The following TET2 variants were observed in gnomAD, a reference collection of about 807,000 sequenced individuals.
TET2 encodes tet methylcytosine dioxygenase 2.
TET2 carries 299 observed loss-of-function variants against 142.9 expected under a neutral mutation model. That is an observed-to-expected ratio of 2.09 (90% CI 1.90 to 2.30). TET2 has a LOEUF of 2.30. Ranked by LOEUF, TET2 falls within the 30% of genes most tolerant of loss-of-function variation. The probability of loss-of-function intolerance (pLI) is 0.00; values close to 1 mark genes in which losing one functional copy is unlikely to be tolerated. For synonymous variants in TET2, 819 were observed against 849.0 expected, an observed-to-expected ratio of 0.96 and a Z score of 0.61; for missense variants, 2,418 against 2,378.0, an observed-to-expected ratio of 1.02 and a Z score of -0.35.
At chr4:105,253,328 CTCTT>C (rs1350794640) in intron 6 of TET2, among the ~76,000 whole-genome samples, 8 of 152,062 alleles carry the variant, frequency 5.3e-5, no homozygotes, top group Non-Finnish European at 1.0e-4. Context: ...CATGGAACAT[CTCTT>C]TCTTGGATAT....
At position 105,275,600 on chromosome 4, in the gene TET2, G is replaced by A. The variant is rs775104652; in HGVS notation, c.5090G>A (p.Gly1697Glu). ...TTTACATCTAAATACTTAGGTTATG[G>A]AAACCAAAATATGCAGGGAGATGGT... is the stretch of plus-strand genomic sequence containing the variant. ...QSFTSKYLGY[G>E]NQNMQGDGFS... Residue 1697 changes from glycine to glutamate, a missense_variant, in exon 11 of 11, where the codon GGA becomes GAA. Physicochemically the swap from Gly to Glu is moderately conservative, Grantham distance 98 (BLOSUM62 -2). Coordinates refer to ENST00000380013, the MANE Select transcript of TET2 (RefSeq NM_001127208.3). The A allele has an allele frequency of 3.6e-5, 56 of 1,551,748 alleles. 1 individual carries two copies. In the South Asian group the frequency reaches 6.5e-4, roughly 18 times the overall value.
chr4:105,161,274 G>C (rs1345987511), intron 1 of TET2, among the ~76,000 whole-genome samples: 1 of 152,066 alleles, frequency 6.6e-6, no homozygotes, highest in Non-Finnish European at 1.5e-5. Flanking sequence ...AGCAAAAGCA[G>C]CCTTCTGGAT....
At chr4:105,207,305 A>G (rs10024008) in intron 2 of TET2, among the ~76,000 whole-genome samples, 7,240 of 152,216 alleles carry the variant, frequency 0.048, 562 homozygotes, top group African/African-American at 0.16. Context: ...AAACATGAAA[A>G]CCTTAAGCAT....
chr4:105,168,753 C>T (rs180809015), intron 1 of TET2, among the ~76,000 whole-genome samples: 1 of 152,208 alleles, frequency 6.6e-6, no homozygotes, highest in Non-Finnish European at 1.5e-5. Context: ...CCCTTTTCCC[C>T]TGAGTCCCTA....
intron 2 of TET2, among the ~76,000 whole-genome samples, chr4:105,213,994 G>T (rs1252485470): frequency 6.6e-6 from 1 of 152,096 alleles, no homozygotes; most frequent in Non-Finnish European, 1.5e-5. Flanking sequence ...GAGTAGCTGG[G>T]ACTATACCAC....
At position 105,146,934 on chromosome 4, in the gene TET2, C is replaced by T. The variant is rs1257864829; in HGVS notation, c.-238C>T. On this transcript the variant is annotated 5_prime_UTR_variant, in exon 1 of 11. Coordinates refer to ENST00000380013, the MANE Select transcript of TET2 (RefSeq NM_001127208.3). ...TTTAGGATTTGTTAGAAAGGAGACCCGACTGCAACTGCTGGATTGCTGCAA... is the reference window on the plus strand; with the variant it reads ...TTTAGGATTTGTTAGAAAGGAGACCTGACTGCAACTGCTGGATTGCTGCAA... 1 of 152,338 alleles carries T rather than the reference C, an allele frequency of 6.6e-6. No individual in the cohort carries two copies. The highest frequency in any genetic ancestry group is 1.5e-5 in the Non-Finnish European group (1 of 68,138). The allele number at this position is 152,338 out of a possible 1,614,324, so 9.4% of individuals were successfully genotyped here.
chr4:105,225,145 C>T (rs988905882), intron 2 of TET2, among the ~76,000 whole-genome samples: 1 of 149,336 alleles, frequency 6.7e-6, no homozygotes, highest in African/African-American at 2.5e-5. Flanking sequence ...TTTTGGTAAA[C>T]CTATGAAGAA....
chr4:105,232,911 A>C (rs1482549527), intron 2 of TET2, among the ~76,000 whole-genome samples: 1 of 152,188 alleles, frequency 6.6e-6, no homozygotes, highest in East Asian at 1.9e-4. Flanking sequence ...AGTGTGCCTT[A>C]TCTCTCAGGT....
chr4:105,259,857 T>G (rs912008824), intron 7 of TET2, 88 bp downstream of exon 7: 1 of 1,295,664 alleles, frequency 7.7e-7, no homozygotes, highest in Admixed American at 2.9e-5. Context: ...CATATCTTGG[T>G]AAGCTCTTAT....
At chr4:105,222,419 A>AG (rs1292789451) in intron 2 of TET2, among the ~76,000 whole-genome samples, 2 of 152,222 alleles carry the variant, frequency 1.3e-5, no homozygotes, top group Non-Finnish European at 2.9e-5. Flanking sequence ...AACTGGTGTG[A>AG]GATGATATCT....
chr4:105,172,973 C>T (rs914525179), intron 1 of TET2, among the ~76,000 whole-genome samples: 19 of 152,100 alleles, frequency 1.2e-4, no homozygotes, highest in Non-Finnish European at 2.2e-4. Context: ...TACAATGATA[C>T]TATTTTTCAG....
intron 4 of TET2, chr4:105,241,794 T>C (rs1578688741): frequency 1.6e-6 from 2 of 1,250,924 alleles, no homozygotes; most frequent in Non-Finnish European, 2.0e-6. Flanking sequence ...GAAAGACTGG[T>C]AAAGTGTGGT....
At chr4:105,181,539 T>C (rs1163283104) in intron 1 of TET2, among the ~76,000 whole-genome samples, 1 of 152,216 alleles carries the variant, frequency 6.6e-6, no homozygotes, top group Non-Finnish European at 1.5e-5. Flanking sequence ...GATTCAGATA[T>C]TTCACTTAGA....
intron 2 of TET2, among the ~76,000 whole-genome samples, chr4:105,232,399 G>A (rs552883472): frequency 6.6e-6 from 1 of 152,254 alleles, no homozygotes; most frequent in East Asian, 1.9e-4. Context: ...GGGATTGCTC[G>A]GTCAGATGGC....
At chr4:105,253,225 A>G (rs139404763) in intron 6 of TET2, among the ~76,000 whole-genome samples, 3,005 of 152,250 alleles carry the variant, frequency 0.02, 39 homozygotes, top group Non-Finnish European at 0.029. Context: ...AGTATCCTCA[A>G]AATCTTGCAG....
intron 1 of TET2, among the ~76,000 whole-genome samples, chr4:105,152,869 T>C (rs1723378521): frequency 6.6e-6 from 1 of 152,164 alleles, no homozygotes; most frequent in South Asian, 2.1e-4. Flanking sequence ...AGTGCTGGGA[T>C]TACAGGCATG....
At chr4:105,228,825 T>A (rs1728329537) in intron 2 of TET2, among the ~76,000 whole-genome samples, 1 of 152,162 alleles carries the variant, frequency 6.6e-6, no homozygotes, top group South Asian at 2.1e-4. Flanking sequence ...GTGTCCTGAT[T>A]TTGGAGAAGC....
In TET2 at chr4:105,276,789, AT is replaced by A; in HGVS notation, c.*275del. On this transcript the variant is annotated 3_prime_UTR_variant, in exon 11 of 11. Coordinates refer to ENST00000380013, the MANE Select transcript of TET2 (RefSeq NM_001127208.3). ...GGGAAGAAAGTGTTCCGCAATTTAC[AT>A]TTTTAAACACTGGTTCTATTATTGG... 2.7e-6 allele frequency: 1 copy of A among 371,856 alleles called. No homozygotes were observed. The highest frequency in any genetic ancestry group is 4.9e-6 in the Non-Finnish European group (1 of 203,648). 23.0% of individuals were successfully genotyped at this position (371,856 alleles called of 1,614,324 possible).
chr4:105,165,446 C>T (rs538504415), intron 1 of TET2, among the ~76,000 whole-genome samples: 5 of 152,266 alleles, frequency 3.3e-5, no homozygotes, highest in African/African-American at 1.2e-4. Context: ...GTGGAAATTC[C>T]TTACATGGCA....
Sources: gnomAD v4.1 joint callset for allele counts (sites outside exome capture counted in the v4.1 genomes callset) on GRCh38, gnomAD v4.1.1 for gene constraint, MANE v1.5 for transcripts, NCBI Gene and HGNC (gene_info 2026-07-23, HGNC 2026-07-21) for gene names.